Variants in ZBTB46 observed in about 807,000 individuals in gnomAD.
ZBTB46 encodes zinc finger and BTB domain containing 46, also known as zinc finger and BTB domain-containing protein 46.
A neutral mutation model predicts 44.1 loss-of-function variants in ZBTB46; 8 were observed. That is an observed-to-expected ratio of 0.18 (90% confidence interval 0.11 to 0.33). The LOEUF (loss-of-function observed/expected upper bound fraction) is 0.33, where lower values mean the gene tolerates loss of function less well. Among genes scored for constraint, ZBTB46 ranks in the 10% least tolerant of loss-of-function variants. The pLI, the probability that ZBTB46 is intolerant of heterozygous loss-of-function variation, is 1.00. For synonymous variants in ZBTB46, 409 were observed against 382.3 expected (o/e 1.07, Z -0.81); for missense variants, 651 against 847.7 (o/e 0.77, Z 2.88).
At chr20:63,830,843 G>A (rs1568916615) in intron 1 of ZBTB46, among the ~76,000 whole-genome samples, 1 of 142,150 alleles carries the variant, frequency 7.0e-6, no homozygotes, top group East Asian at 2.1e-4. Context: ...GCCCCGCCCC[G>A]CGCCGCCGGC....
chr20:63,797,039 G>C (rs550902303), intron 1 of ZBTB46, among the ~76,000 whole-genome samples: 1 of 152,198 alleles, frequency 6.6e-6, no homozygotes, highest in South Asian at 2.1e-4. Context: ...TAAGTTCTAA[G>C]GGTACATGTG....
At chr20:63,812,437 T>C (rs112908877) in intron 1 of ZBTB46, among the ~76,000 whole-genome samples, 1 of 151,124 alleles carries the variant, frequency 6.6e-6, no homozygotes, top group Non-Finnish European at 1.5e-5. Flanking sequence ...AGGTCAGGAG[T>C]TCGAGACCAG....
intron 2 of ZBTB46, among the ~76,000 whole-genome samples, chr20:63,777,594 T>G (rs1457837641): frequency 6.6e-6 from 1 of 152,040 alleles, no homozygotes; most frequent in Admixed American, 6.6e-5. Flanking sequence ...CCTCACAACA[T>G]CAGGTACAGG....
intron 2 of ZBTB46, among the ~76,000 whole-genome samples, chr20:63,779,954 A>T (rs2092455744): frequency 6.6e-6 from 1 of 152,174 alleles, no homozygotes; most frequent in Admixed American, 6.5e-5. Context: ...AAGCTGAAAG[A>T]ACTCTCCCTT....
At chr20:63,831,430 G>A (rs1482036076), upstream of ZBTB46, among the ~76,000 whole-genome samples, 2 of 143,496 alleles carry the variant, frequency 1.4e-5, no homozygotes, top group Admixed American at 6.8e-5. Context: ...CGGCCCGGCC[G>A]CCGGCCCCGC....
intron 1 of ZBTB46, among the ~76,000 whole-genome samples, chr20:63,791,596 G>C (rs1006261594): frequency 2.0e-5 from 3 of 151,750 alleles, no homozygotes; most frequent in Non-Finnish European, 4.4e-5. Context: ...AAAACTCTGA[G>C]CTCAAACGAG....
chr20:63,828,339 A>G (rs1201736029), intron 1 of ZBTB46, among the ~76,000 whole-genome samples: 2 of 152,228 alleles, frequency 1.3e-5, no homozygotes, highest in Admixed American at 1.3e-4. Context: ...GAGGACCACA[A>G]TCAGGATAAG....
rs2092076335 is a variant in ZBTB46, at chr20:63,745,182, C to A, written c.*1748G>T. The A allele has an allele frequency of 6.6e-6, 1 of 152,240 alleles. No homozygotes were observed. The highest frequency in any genetic ancestry group is 1.5e-5 in the Non-Finnish European group (1 of 68,042). The allele number at this position is 152,240 out of a possible 1,614,324, so 9.4% of individuals were successfully genotyped here. ...GTGGGCAGGGCTCACCGCTGAGGGG[C>A]CAGCGCTTGGCCCGGCTCCTATCCC... On this transcript the variant is annotated 3_prime_UTR_variant, in exon 5 of 5. Transcript: ENST00000245663.
At chr20:63,802,439 T>C in intron 1 of ZBTB46, among the ~76,000 whole-genome samples, 1 of 147,968 alleles carries the variant, frequency 6.8e-6, no homozygotes. Flanking sequence ...ACAATGAGGT[T>C]ACTGGGGGCC....
At chr20:63,764,087 G>A (rs1326875918) in intron 3 of ZBTB46, among the ~76,000 whole-genome samples, 1 of 151,554 alleles carries the variant, frequency 6.6e-6, no homozygotes, top group Non-Finnish European at 1.5e-5. Context: ...TCCCACCTCA[G>A]CCTCCCAAGT....
chr20:63,799,757 G>C (rs1028509715), intron 1 of ZBTB46, among the ~76,000 whole-genome samples: 1 of 152,142 alleles, frequency 6.6e-6, no homozygotes, highest in East Asian at 1.9e-4. Context: ...GGGGAAGTGC[G>C]CCCGGAACCA....
At chr20:63,797,481 A>T (rs577230128) in intron 1 of ZBTB46, among the ~76,000 whole-genome samples, 2 of 152,168 alleles carry the variant, frequency 1.3e-5, no homozygotes, top group Non-Finnish European at 2.9e-5. Flanking sequence ...ATGTGTCTTT[A>T]TAGCAACATG....
intron 3 of ZBTB46, among the ~76,000 whole-genome samples, chr20:63,774,729 A>G (rs1275446686): frequency 8.1e-6 from 1 of 122,710 alleles, no homozygotes; most frequent in African/African-American, 3.0e-5. Context: ...TTTGAGACAG[A>G]GTCTCCCTCT....
chr20:63,792,640 C>T (rs901539776), intron 1 of ZBTB46, among the ~76,000 whole-genome samples: 1 of 152,138 alleles, frequency 6.6e-6, no homozygotes, highest in Non-Finnish European at 1.5e-5. Flanking sequence ...CTCAGCCTCC[C>T]GAGTAGCTGG....
At chr20:63,788,950 C>T (rs1274326286) in intron 2 of ZBTB46, among the ~76,000 whole-genome samples, 2 of 150,946 alleles carry the variant, frequency 1.3e-5, no homozygotes, top group Non-Finnish European at 3.0e-5. Flanking sequence ...ATTCTCCTGC[C>T]TCAGCCTCCC....
At chr20:63,761,848 G>C (rs534322500) in intron 3 of ZBTB46, among the ~76,000 whole-genome samples, 1 of 151,686 alleles carries the variant, frequency 6.6e-6, no homozygotes, top group East Asian at 1.9e-4. Flanking sequence ...TTGTGTAAAC[G>C]TATACTATTT....
intron 1 of ZBTB46, among the ~76,000 whole-genome samples, chr20:63,808,905 G>A (rs1240576595): frequency 3.3e-5 from 5 of 150,686 alleles, no homozygotes; most frequent in Admixed American, 6.6e-5. Context: ...GGAACCCGGG[G>A]GGCGGAGCTT....
intron 1 of ZBTB46, among the ~76,000 whole-genome samples, chr20:63,815,603 A>C (rs2092746780): frequency 7.0e-6 from 1 of 143,434 alleles, no homozygotes; most frequent in Non-Finnish European, 1.5e-5. Context: ...CAGTGGGTGC[A>C]GGTGGGCACA....
At chr20:63,831,302 C>CCGCCCGCG (rs1555861305), upstream of ZBTB46, 2 of 133,984 alleles carry the variant, frequency 1.5e-5, no homozygotes, top group South Asian at 2.3e-4. Flanking sequence ...CCCCCGCCGC[C>CCGCCCGCG]CGCGCGCGCG....
Sources: gnomAD v4.1 joint callset for allele counts (sites outside exome capture counted in the v4.1 genomes callset) on GRCh38, gnomAD v4.1.1 for gene constraint, MANE v1.5 for transcripts, NCBI Gene and HGNC (gene_info 2026-07-23, HGNC 2026-07-21) for gene names.